The following APBB1IP variants were observed in gnomAD, a reference collection of about 807,000 sequenced individuals.
APBB1IP encodes amyloid beta A4 precursor protein-binding family B member 1-interacting protein.
Under a neutral mutation model 64.9 loss-of-function variants are expected in APBB1IP, and 27 were observed. The ratio of observed to expected loss-of-function variants is 0.42; its 90% CI spans 0.31 to 0.57. The LOEUF (loss-of-function observed/expected upper bound fraction) is 0.57, where lower values mean the gene tolerates loss of function less well. Ranked by LOEUF, APBB1IP falls within the 20% of genes least tolerant of loss-of-function variation. The pLI, the probability that APBB1IP is intolerant of heterozygous loss-of-function variation, is 0.20. For synonymous variants in APBB1IP, 392 were observed against 331.0 expected, an observed-to-expected ratio of 1.18 and a Z score of -2.00; for missense variants, 812 against 845.5, an observed-to-expected ratio of 0.96 and a Z score of 0.49.
Position 26,470,954 on chromosome 10 carries a change from C to T in APBB1IP, c.1-21373C>T, listed in dbSNP as rs1363635854. On this transcript the variant is annotated intron_variant, in intron 2 of 14. Coordinates refer to ENST00000376236, the MANE Select transcript of APBB1IP (RefSeq NM_019043.4). ...ATGATTACTGCAGTTCCAATGGCTT[C>T]ATGATAGTAAGAGCAACACTTACTG... 3.3e-5 allele frequency among the ~76,000 whole-genome samples: 5 copies of T among 152,198 alleles called. No individual in the cohort carries two copies. The East Asian group carries it at 9.6e-4, about 29-fold the overall frequency.
Position 26,567,151 on chromosome 10 carries a change from C to T in APBB1IP, c.1664C>T (p.Pro555Leu), listed in dbSNP as rs946245838. 9.3e-5 allele frequency: 132 copies of T among 1,414,822 alleles called. No homozygotes were observed. In the African/African-American group the frequency reaches 1.8e-3, roughly 19 times the overall value. The allele number at this position is 1,414,822 out of a possible 1,614,324, so 87.6% of individuals were successfully genotyped here. ...GLPAPPDDFL[P>L]PPPPPPPLDD... ...CCCGCCCCACCCGACGACTTCCTGC[C>T]GCCGCCGCCACCGCCGCCGCCCCTC... The change falls in exon 15 of 15, where the codon CCG (proline) becomes CTG (leucine). Residue 555 changes from proline (P) to leucine (L), a missense_variant. This residue lies in a region of APBB1IP where 381 missense variants were observed against 352.1 expected (regional missense o/e 1.08). Transcript: ENST00000376236.
At chr10:26,450,246 A>G (rs752291686) in intron 2 of APBB1IP, among the ~76,000 whole-genome samples, 15 of 152,246 alleles carry the variant, frequency 9.9e-5, no homozygotes, top group Non-Finnish European at 1.6e-4. Flanking sequence ...AGCACTTAGA[A>G]TAATGCCTGG....
intron 11 of APBB1IP, among the ~76,000 whole-genome samples, chr10:26,544,388 G>A (rs1260235413): frequency 6.6e-6 from 1 of 152,166 alleles, no homozygotes; most frequent in Admixed American, 6.5e-5. Context: ...CAGGCCCTAG[G>A]CCCACTAAAT....
chr10:26,560,315 C>T, intron 12 of APBB1IP, 112 bp downstream of exon 12: 2 of 954,234 alleles, frequency 2.1e-6, no homozygotes, highest in East Asian at 2.4e-5. Context: ...GGTTCAGCCA[C>T]AGACATTATC....
intron 8 of APBB1IP, among the ~76,000 whole-genome samples, chr10:26,514,903 T>C (rs4749160): frequency 0.029 from 4,341 of 151,990 alleles, 88 homozygotes; most frequent in South Asian, 0.072. Context: ...GACAAAGTCT[T>C]CTTCTGTTGC....
At chr10:26,540,490 G>C (rs1295879671) in intron 10 of APBB1IP, among the ~76,000 whole-genome samples, 3 of 151,828 alleles carry the variant, frequency 2.0e-5, no homozygotes, top group Non-Finnish European at 4.4e-5. Flanking sequence ...AGGAAGATGT[G>C]CATTTTATTA....
In APBB1IP at chr10:26,508,623, A is replaced by G. The variant is rs561372670; in HGVS notation, c.532-3124A>G. On this transcript the variant is annotated intron_variant, in intron 6 of 14. Coordinates refer to ENST00000376236, the MANE Select transcript of APBB1IP (RefSeq NM_019043.4). The stretch of plus-strand genomic sequence containing the variant: ...TGTGATTTAGCTTACTAAATCACAT[A>G]ACTGTGATTTAATGTTATGTGTTGG... Among the ~76,000 whole-genome samples the G allele has an allele frequency of 1.1e-4, 16 of 151,576 alleles. No individual in the cohort carries two copies. In the East Asian group the frequency reaches 3.1e-3, roughly 29 times the overall value.
chr10:26,513,701 AG>A, intron 8 of APBB1IP, 41 bp downstream of exon 8: 1 of 1,525,592 alleles, frequency 6.6e-7, no homozygotes, highest in Non-Finnish European at 8.7e-7. Context: ...TAAAGTACAA[AG>A]GATTTTTTTT....
chr10:26,537,239 T>G (rs751395129), intron 10 of APBB1IP, among the ~76,000 whole-genome samples: 25 of 152,160 alleles, frequency 1.6e-4, no homozygotes, highest in Non-Finnish European at 3.2e-4. Flanking sequence ...CCCTTCCAAA[T>G]GCAGGGCACC....
intron 8 of APBB1IP, 83 bp from the exon 9 acceptor site, chr10:26,533,356 T>C (rs770657937): frequency 1.5e-5 from 12 of 775,072 alleles, no homozygotes; most frequent in Non-Finnish European, 2.4e-5. Flanking sequence ...TAACATCTTC[T>C]TTCCAGCAAG....
chr10:26,484,365 C>T (rs568317271), intron 2 of APBB1IP, among the ~76,000 whole-genome samples: 60 of 152,084 alleles, frequency 3.9e-4, no homozygotes, highest in Non-Finnish European at 1.2e-4. Context: ...GAGTGCAGCA[C>T]GACCTCAGCT....
intron 11 of APBB1IP, among the ~76,000 whole-genome samples, chr10:26,546,798 T>C (rs1836770219): frequency 6.6e-6 from 1 of 152,234 alleles, no homozygotes; most frequent in Non-Finnish European, 1.5e-5. Flanking sequence ...ATTCATCCAC[T>C]GATGGGCATT....
At chr10:26,451,265 T>G (rs1835462544) in intron 2 of APBB1IP, among the ~76,000 whole-genome samples, 1 of 152,138 alleles carries the variant, frequency 6.6e-6, no homozygotes. Context: ...TTACTTTAGT[T>G]TTTGATAGAG....
In APBB1IP at chr10:26,511,816, C is replaced by T. The variant is rs1017383098; in HGVS notation, c.601C>T (p.Arg201Ter). ...SLMVDERQLA[R>*]DVLDNLFEKT... is the part of the protein sequence containing the mutation. The stretch of plus-strand genomic sequence containing the variant: ...GATGGTGGATGAGCGGCAGCTGGCC[C>T]GAGATGTTCTGGACAACCTTTTCGA... Residue 201 changes from arginine to a stop codon, truncating the protein, a stop_gained, in exon 7 of 15, where the codon CGA (arginine) becomes TGA (stop). Transcript: ENST00000376236. LOFTEE classifies it high-confidence loss of function. 2.5e-6 allele frequency: 4 copies of T among 1,614,094 alleles called. No homozygotes were observed. The highest frequency in any genetic ancestry group is 3.4e-6 in the Non-Finnish European group (4 of 1,180,018).
Position 26,438,371 on chromosome 10 carries a change from A to G in APBB1IP, c.-287A>G, listed in dbSNP as rs940620966. 1 of 152,162 alleles carries G rather than the reference A, an allele frequency of 6.6e-6. No homozygotes were observed. The highest frequency in any genetic ancestry group is 2.4e-5 in the African/African-American group (1 of 41,428). 9.4% of individuals were successfully genotyped at this position (152,162 alleles called of 1,614,324 possible). On this transcript the variant is annotated 5_prime_UTR_variant, in exon 1 of 15. Transcript: ENST00000376236. The stretch of plus-strand genomic sequence containing the variant: ...TTGGTGGAACCATCACTAGGCCCCA[A>G]TCCCTTAGTCCCTCTTGCGTCGAGG...
At chr10:26,517,601 G>A (rs573018000) in intron 8 of APBB1IP, among the ~76,000 whole-genome samples, 21 of 152,168 alleles carry the variant, frequency 1.4e-4, no homozygotes, top group Non-Finnish European at 2.5e-4. Context: ...CATCACACCC[G>A]GCCAAGTTTT....
At chr10:26,480,000 C>T (rs938838044) in intron 2 of APBB1IP, among the ~76,000 whole-genome samples, 31 of 152,188 alleles carry the variant, frequency 2.0e-4, no homozygotes, top group Non-Finnish European at 3.4e-4. Context: ...CAGGCGACAG[C>T]TGGACTGTTT....
At chr10:26,464,883 A>G (rs1835631088) in intron 2 of APBB1IP, among the ~76,000 whole-genome samples, 1 of 152,196 alleles carries the variant, frequency 6.6e-6, no homozygotes. Flanking sequence ...CAGGGCCCCA[A>G]CAGGTACCAT....
At chr10:26,507,267 A>C (rs1158110322) in intron 6 of APBB1IP, among the ~76,000 whole-genome samples, 1 of 152,180 alleles carries the variant, frequency 6.6e-6, no homozygotes, top group Non-Finnish European at 1.5e-5. Flanking sequence ...CCGAGGCAGG[A>C]GGATCGCCTG....
Sources: allele counts gnomAD v4.1 joint callset (sites outside exome capture counted in the v4.1 genomes callset), GRCh38; gene constraint gnomAD v4.1.1; regional missense constraint gnomAD v4.1.1; transcripts MANE v1.5; gene names NCBI Gene and HGNC (gene_info 2026-07-23, HGNC 2026-07-21).